Variants in DNAJC7 observed in about 807,000 individuals in gnomAD.
DNAJC7 encodes the protein dnaJ homolog subfamily C member 7.
In DNAJC7, 18 loss-of-function variants were observed where a neutral mutation model predicts 67.4. The ratio of observed to expected loss-of-function variants is 0.27; its 90% CI spans 0.18 to 0.40. The LOEUF is 0.40. Among genes scored for constraint, DNAJC7 ranks in the 10% least tolerant of loss-of-function variants. The pLI is 1.00. For synonymous variants in DNAJC7, 220 were observed against 207.8 expected (o/e 1.06, Z -0.50); for missense variants, 419 against 613.8 (o/e 0.68, Z 3.35).
chr17:41,976,904 CT>C, intron 13 of DNAJC7, 134 bp from the exon 14 acceptor site: 1 of 1,174,644 alleles, frequency 8.5e-7, no homozygotes, highest in Non-Finnish European at 1.2e-6. Context: ...TATCAAACAG[CT>C]CAGGCTGTTT....
Position 41,994,929 on chromosome 17 carries a change from C to T in DNAJC7, c.421G>A (p.Ala141Thr). Residue 141 changes from alanine to threonine, a missense_variant, in exon 5 of 14, where the codon GCA becomes ACA. Around this residue, in one of 4 missense-constraint regions of DNAJC7, gnomAD observed 179 missense variants for 249.7 expected, o/e 0.72. Coordinates refer to ENST00000457167, the MANE Select transcript of DNAJC7 (RefSeq NM_003315.4). Reference sequence around the variant, plus strand: ...GCTATTTTCTCATATTCCATGACTGCATTAGCATTCTTGAACTGCACCGGA... The same window carrying T: ...GCTATTTTCTCATATTCCATGACTGTATTAGCATTCTTGAACTGCACCGGA... ...QAQQEFKNANAVMEYEKIAET... is the reference protein window; with the variant it reads ...QAQQEFKNANTVMEYEKIAET... The T allele has an allele frequency of 3.1e-6, 5 of 1,613,894 alleles. 1 individual carries two copies. Among genetic ancestry groups the T allele is most frequent in the Non-Finnish European group, 4.2e-6 (5 of 1,179,852 alleles).
At position 41,987,897 on chromosome 17, in the gene DNAJC7, T is replaced by C; in HGVS notation, c.932A>G (p.Asp311Gly). 6 of 1,611,052 alleles carry C rather than the reference T, an allele frequency of 3.7e-6. No individual in the cohort carries two copies. The highest frequency in any genetic ancestry group is 5.1e-6 in the Non-Finnish European group (6 of 1,178,700). ...ATTTGTGCAGTCTTCTATTGCATCA[T>C]CTAGTTTCCTAAGCTTCAGGAGAGA... ...GTVNSKLRKL[D>G]DAIEDCTNAV... Residue 311 changes from aspartate to glycine, a missense_variant, in exon 9 of 14, where the codon GAT becomes GGT. This residue lies in a region of DNAJC7 where 161 missense variants were observed against 252.2 expected (regional missense o/e 0.64). Transcript: ENST00000457167.
intron 9 of DNAJC7, chr17:41,985,671 G>GATGGCATA (rs2051356199): frequency 6.6e-6 from 1 of 152,244 alleles, no homozygotes; most frequent in Admixed American, 6.5e-5. Context: ...ATGATGGCAT[G>GATGGCATA]TGTAGCAAAG....
intron 1 of DNAJC7, among the ~76,000 whole-genome samples, chr17:42,006,768 G>A (rs1195968373): frequency 8.9e-6 from 1 of 112,502 alleles, no homozygotes; most frequent in Non-Finnish European, 1.7e-5. Context: ...CTGCACTCCA[G>A]CCTGGGCAAC....
At position 41,982,070 on chromosome 17, in the gene DNAJC7, G is replaced by C. The variant is rs557211598; in HGVS notation, c.1232-63C>G. 6.3e-6 allele frequency: 10 copies of C among 1,589,626 alleles called. No individual in the cohort carries two copies. The East Asian group carries it at 2.0e-4, about 32-fold the overall frequency. On this transcript the variant is annotated intron_variant, in intron 11 of 13. Transcript: ENST00000457167. ...AAAGTTTCAAGAAAACAAAGTTTAAGAGAAAAACTACTTTCTGTCTAATTT... is the reference window on the plus strand; with the variant it reads ...AAAGTTTCAAGAAAACAAAGTTTAACAGAAAAACTACTTTCTGTCTAATTT...
At chr17:42,017,256 T>G in intron 1 of DNAJC7, 84 bp downstream of exon 1, 1 of 1,603,448 alleles carries the variant, frequency 6.2e-7, no homozygotes, top group South Asian at 1.1e-5. Flanking sequence ...CCTCAACAGC[T>G]GGGGGCTGCA....
intron 2 of DNAJC7, among the ~76,000 whole-genome samples, chr17:41,999,112 C>T (rs188075234): frequency 2.7e-5 from 4 of 150,784 alleles, no homozygotes; most frequent in East Asian, 1.9e-4. Flanking sequence ...GACGGAGATT[C>T]GCGCTTGTTG....
Position 41,997,222 on chromosome 17 carries a change from C to T in DNAJC7, c.184G>A (p.Ala62Thr), listed in dbSNP as rs1426389165. 1 of 1,613,598 alleles carries T rather than the reference C, an allele frequency of 6.2e-7. No individual in the cohort carries two copies. Among genetic ancestry groups the T allele is most frequent in the African/African-American group, 1.3e-5 (1 of 74,898 alleles). The change falls in exon 3 of 14, where the codon GCT becomes ACT. Residue 62 changes from alanine to threonine, a missense_variant. This residue lies in a region of DNAJC7 where 179 missense variants were observed against 249.7 expected (regional missense o/e 0.72). Coordinates refer to ENST00000457167, the MANE Select transcript of DNAJC7 (RefSeq NM_003315.4). ...GCTGCTCGATTACCATAATAGCTAGCATTTTTAGGACACATATCTATAGGA... is the reference window on the plus strand; with the variant it reads ...GCTGCTCGATTACCATAATAGCTAGTATTTTTAGGACACATATCTATAGGA... ...TKAIDMCPKN[A>T]SYYGNRAATL...
At chr17:41,980,233 A>G (rs2051213582) in intron 12 of DNAJC7, among the ~76,000 whole-genome samples, 1 of 151,658 alleles carries the variant, frequency 6.6e-6, no homozygotes, top group South Asian at 2.1e-4. Context: ...TATTTTTCAT[A>G]GAGACGGGGT....
Position 41,976,612 on chromosome 17 carries a change from G to T in DNAJC7, c.*121C>A. ...TCACAGAGACACAGGGCATCCAACTGAGAAAACGAAACTGCTCTAAGCACA... is the reference window on the plus strand; with the variant it reads ...TCACAGAGACACAGGGCATCCAACTTAGAAAACGAAACTGCTCTAAGCACA... On this transcript the variant is annotated 3_prime_UTR_variant, in exon 14 of 14. Transcript: ENST00000457167. The T allele has an allele frequency of 7.5e-7, 1 of 1,334,536 alleles. No homozygotes were observed. The highest frequency in any genetic ancestry group is 1.4e-5 in the South Asian group (1 of 72,806). The allele number at this position is 1,334,536 out of a possible 1,614,324, so 82.7% of individuals were successfully genotyped here.
At chr17:42,006,816 A>AAAAAAAAAAAAAC (rs2051975032) in intron 1 of DNAJC7, among the ~76,000 whole-genome samples, 4 of 122,600 alleles carry the variant, frequency 3.3e-5, no homozygotes, top group Non-Finnish European at 5.1e-5. Context: ...AAAAAAAAAA[A>AAAAAAAAAAAAAC]AAGTCCAGGC....
chr17:42,017,428 G>C lies in DNAJC7; in HGVS notation c.-12C>G, dbSNP rs781941069. On this transcript the variant is annotated 5_prime_UTR_variant, in exon 1 of 14. Transcript: ENST00000457167. ...GCGGCAGCCGCCATCTTACCGCCGG[G>C]ACCAGAGAGCTGGGTGGGAGGCCGG... 9 of 1,605,368 alleles carry C rather than the reference G, an allele frequency of 5.6e-6. No individual in the cohort carries two copies. Among genetic ancestry groups the C allele is most frequent in the Admixed American group, 3.3e-5 (2 of 60,006 alleles).
In DNAJC7 at chr17:41,976,578, C is replaced by T; in HGVS notation, c.*155G>A. 2.1e-6 allele frequency: 2 copies of T among 937,556 alleles called. No homozygotes were observed. The highest frequency in any genetic ancestry group is 3.4e-5 in the South Asian group (2 of 58,330). The allele number at this position is 937,556 out of a possible 1,614,324, so 58.1% of individuals were successfully genotyped here. A position where few individuals can be genotyped will look rare whatever the true frequency, so the allele number is the denominator to read the frequency against. On this transcript the variant is annotated 3_prime_UTR_variant, in exon 14 of 14. Coordinates refer to ENST00000457167, the MANE Select transcript of DNAJC7 (RefSeq NM_003315.4). ...GTCTTCGGCATTGGTTCCCTTTGCT[C>T]CACCCCACTCACAGAGACACAGGGC...
intron 12 of DNAJC7, among the ~76,000 whole-genome samples, chr17:41,979,657 T>TAA (rs71155200): frequency 0.022 from 1,062 of 47,834 alleles, 86 homozygotes; most frequent in African/African-American, 0.083. Flanking sequence ...GGCTCAGTCT[T>TAA]AAAAAAAAAA....
chr17:41,990,466 C>A, intron 5 of DNAJC7, 84 bp from the exon 6 acceptor site: 1 of 1,149,404 alleles, frequency 8.7e-7, no homozygotes, highest in Non-Finnish European at 1.3e-6. Context: ...AGGTAACAGA[C>A]TCAAAACTCA....
At chr17:41,999,948 A>G (rs1428184173) in intron 2 of DNAJC7, among the ~76,000 whole-genome samples, 1 of 149,832 alleles carries the variant, frequency 6.7e-6, no homozygotes, top group African/African-American at 2.5e-5. Flanking sequence ...CCTCCCAAGT[A>G]GCTGGGATTA....
At chr17:41,980,291 G>A (rs1005631964) in intron 12 of DNAJC7, among the ~76,000 whole-genome samples, 53 of 151,992 alleles carry the variant, frequency 3.5e-4, no homozygotes, top group African/African-American at 1.3e-3. Flanking sequence ...CTTGTGGTCC[G>A]CCCACCTTGT....
intron 1 of DNAJC7, among the ~76,000 whole-genome samples, chr17:42,005,633 C>A (rs534600620): frequency 1.4e-3 from 213 of 152,252 alleles, no homozygotes; most frequent in Non-Finnish European, 2.1e-3. Flanking sequence ...CACCTCACTG[C>A]ATGAAAAACA....
At chr17:41,979,304 A>T (rs2051178311) in intron 12 of DNAJC7, among the ~76,000 whole-genome samples, 1 of 151,880 alleles carries the variant, frequency 6.6e-6, no homozygotes, top group Non-Finnish European at 1.5e-5. Flanking sequence ...GCACCACTGC[A>T]CACCAGCCTG....
Sources: gnomAD v4.1 joint callset for allele counts (sites outside exome capture counted in the v4.1 genomes callset) on GRCh38, gnomAD v4.1.1 for gene constraint, gnomAD v4.1.1 regional missense constraint, MANE v1.5 for transcripts, NCBI Gene and HGNC (gene_info 2026-07-23, HGNC 2026-07-21) for gene names.